The following MACROH2A2 variants were observed in gnomAD, a reference collection of about 807,000 sequenced individuals.
MACROH2A2 encodes the protein macroH2A.2 histone, also known as core histone macro-H2A.2.
Under a neutral mutation model 37.6 loss-of-function variants are expected in MACROH2A2, and 6 were observed. The ratio of observed to expected loss-of-function variants is 0.16; its 90% CI spans 0.09 to 0.32. The LOEUF is 0.32. Ranked by LOEUF, MACROH2A2 falls within the 10% of genes least tolerant of loss-of-function variation. The pLI, the probability that MACROH2A2 is intolerant of heterozygous loss-of-function variation, is 1.00. For synonymous variants in MACROH2A2, 192 were observed against 202.7 expected, an observed-to-expected ratio of 0.95 and a Z score of 0.45; for missense variants, 290 against 485.9, an observed-to-expected ratio of 0.60 and a Z score of 3.79.
chr10:70,061,572 G>A (rs1164439551), intron 1 of MACROH2A2, among the ~76,000 whole-genome samples: 3 of 152,128 alleles, frequency 2.0e-5, no homozygotes, highest in African/African-American at 7.2e-5. Context: ...AGTAGCAGCA[G>A]ATATCCTAAA....
Position 70,093,150 on chromosome 10 carries a change from T to C in MACROH2A2, c.478-585T>C, listed in dbSNP as rs149786803. On this transcript the variant is annotated intron_variant, in intron 4 of 8. Coordinates refer to ENST00000373255, the MANE Select transcript of MACROH2A2 (RefSeq NM_018649.3). The stretch of plus-strand genomic sequence containing the variant: ...TCAGCCTCCCAAAGCATTGGAATTA[T>C]AAGTGTGAGCTAAGGCACACAAGCC... Among the ~76,000 whole-genome samples, 622 of 152,264 alleles carry C rather than the reference T, an allele frequency of 4.1e-3. 4 individuals carry two copies. The highest frequency in any genetic ancestry group is 0.014 in the African/African-American group (588 of 41,544).
chr10:70,074,351 A>AACAG (rs1319706168), intron 1 of MACROH2A2, among the ~76,000 whole-genome samples: 1 of 152,222 alleles, frequency 6.6e-6, no homozygotes, highest in Non-Finnish European at 1.5e-5. Context: ...CATTCCAAGG[A>AACAG]ACAGACGCTC....
At chr10:70,082,957 G>A (rs2072189144) in intron 2 of MACROH2A2, among the ~76,000 whole-genome samples, 1 of 151,780 alleles carries the variant, frequency 6.6e-6, no homozygotes, top group Non-Finnish European at 1.5e-5. Flanking sequence ...ATGGTTAAAT[G>A]GTAGATGTAT....
chr10:70,074,368 C>T (rs1478384176), intron 1 of MACROH2A2, among the ~76,000 whole-genome samples: 2 of 152,226 alleles, frequency 1.3e-5, no homozygotes, highest in Non-Finnish European at 2.9e-5. Context: ...GCTCAGGCTG[C>T]ATTATGGCTT....
At chr10:70,095,587 T>G (rs993174894) in intron 5 of MACROH2A2, 67 bp from the exon 6 acceptor site, 3 of 810,420 alleles carry the variant, frequency 3.7e-6, no homozygotes, top group African/African-American at 3.4e-5. Flanking sequence ...TGAATGCAAG[T>G]AAAATATGAG....
At chr10:70,098,337 A>G (rs1038096977) in intron 6 of MACROH2A2, 2 of 117,490 alleles carry the variant, frequency 1.7e-5, no homozygotes, top group Non-Finnish European at 3.6e-5. Flanking sequence ...AGGCAGAGGG[A>G]GAGAGAGAGA....
At chr10:70,088,518 CT>C (rs1463621222) in intron 2 of MACROH2A2, among the ~76,000 whole-genome samples, 1 of 152,176 alleles carries the variant, frequency 6.6e-6, no homozygotes, top group Non-Finnish European at 1.5e-5. Context: ...CTACAGATTT[CT>C]TTTTTTACCC....
At chr10:70,078,123 A>G (rs1435525232) in intron 2 of MACROH2A2, among the ~76,000 whole-genome samples, 1 of 152,182 alleles carries the variant, frequency 6.6e-6, no homozygotes, top group African/African-American at 2.4e-5. Flanking sequence ...AATCCCCAGC[A>G]TCTCTGTTAG....
rs4746961 is a variant in MACROH2A2, at chr10:70,107,504, A to G, written c.779-1529A>G. On this transcript the variant is annotated intron_variant, in intron 7 of 8. Transcript: ENST00000373255. This position sits in a 1 kb window ranked among gnomAD's most constrained non-coding sequence, Gnocchi z 4.4. Reference sequence around the variant, plus strand: ...GCAGACGGGCAGCGTGGGGGCAAGCATGGCTCATGGCTGAAGCTGCAGCTG... The same window carrying G: ...GCAGACGGGCAGCGTGGGGGCAAGCGTGGCTCATGGCTGAAGCTGCAGCTG... 0.081 allele frequency among the ~76,000 whole-genome samples: 12,259 copies of G among 152,180 alleles called. 630 individuals carry two copies. Among genetic ancestry groups the G allele is most frequent in the East Asian group, 0.23 (1,188 of 5,156 alleles).
chr10:70,073,726 CT>C (rs2072123828), intron 1 of MACROH2A2, among the ~76,000 whole-genome samples: 1 of 152,158 alleles, frequency 6.6e-6, no homozygotes, highest in African/African-American at 2.4e-5. Context: ...TTATCAGATG[CT>C]TTAGAAAATT....
chr10:70,106,822 A>AAG (rs2072340777), intron 7 of MACROH2A2, among the ~76,000 whole-genome samples: 1 of 150,846 alleles, frequency 6.6e-6, no homozygotes, highest in Non-Finnish European at 1.5e-5. Flanking sequence ...AAAAAAAAAA[A>AAG]GACTTTACAT....
intron 1 of MACROH2A2, among the ~76,000 whole-genome samples, chr10:70,072,891 A>C (rs1175117600): frequency 6.6e-6 from 1 of 152,210 alleles, no homozygotes; most frequent in Non-Finnish European, 1.5e-5. Context: ...CCAGAGGCAG[A>C]AGTTGCAATG....
At chr10:70,092,924 A>G (rs548527460) in intron 4 of MACROH2A2, among the ~76,000 whole-genome samples, 1 of 152,226 alleles carries the variant, frequency 6.6e-6, no homozygotes, top group African/African-American at 2.4e-5. Flanking sequence ...TTGATATACT[A>G]GGTAGCTTAG....
intron 1 of MACROH2A2, among the ~76,000 whole-genome samples, chr10:70,068,261 T>A (rs557925829): frequency 1.3e-5 from 2 of 152,302 alleles, no homozygotes; most frequent in South Asian, 4.1e-4. Flanking sequence ...GGCCCTAGCA[T>A]AGAAATTCCC....
At position 70,075,042 on chromosome 10, in the gene MACROH2A2, G is replaced by A. The variant is rs773616239; in HGVS notation, c.-59-558G>A. Among the ~76,000 whole-genome samples, 1 of 152,074 alleles carries A rather than the reference G, an allele frequency of 6.6e-6. No individual in the cohort carries two copies. Among genetic ancestry groups the A allele is most frequent in the Non-Finnish European group, 1.5e-5 (1 of 68,020 alleles). On this transcript the variant is annotated intron_variant, in intron 1 of 8. Transcript: ENST00000373255. The surrounding 1 kb of genome is among the most constrained non-coding windows in gnomAD (Gnocchi z 5.0). ...CAGAAGTCCAAAATTAGCCTTACTG[G>A]GCTAAAGTCAAGGTATCAGCAGGAC...
chr10:70,059,064 T>C (rs972362479), intron 1 of MACROH2A2, among the ~76,000 whole-genome samples: 10 of 152,220 alleles, frequency 6.6e-5, no homozygotes, highest in African/African-American at 2.4e-4. Flanking sequence ...GTGGTTATCC[T>C]GGGTGAAGAA....
At chr10:70,078,233 G>GT (rs2072152661) in intron 2 of MACROH2A2, among the ~76,000 whole-genome samples, 1 of 152,222 alleles carries the variant, frequency 6.6e-6, no homozygotes, top group Admixed American at 6.5e-5. Context: ...AGCACACACA[G>GT]TAAGTCCTTA....
chr10:70,072,694 C>A (rs1210609743), intron 1 of MACROH2A2, among the ~76,000 whole-genome samples: 1 of 152,136 alleles, frequency 6.6e-6, no homozygotes, highest in East Asian at 1.9e-4. Context: ...TGGTGGCTCA[C>A]ACCTGTAATC....
Position 70,075,647 on chromosome 10 carries a change from A to G in MACROH2A2, c.-12A>G, listed in dbSNP as rs961862309. On this transcript the variant is annotated 5_prime_UTR_variant, in exon 2 of 9. Transcript: ENST00000373255. The surrounding 1 kb of genome is among the most constrained non-coding windows in gnomAD (Gnocchi z 5.0). ...CACTGTGTCAGCAAGCTGAGAGGGAAACTGAAGCAAGATGTCGGGCCGGAG... is the reference window on the plus strand; with the variant it reads ...CACTGTGTCAGCAAGCTGAGAGGGAGACTGAAGCAAGATGTCGGGCCGGAG... 1.2e-6 allele frequency: 2 copies of G among 1,613,740 alleles called. No homozygotes were observed. The highest frequency in any genetic ancestry group is 1.7e-6 in the Non-Finnish European group (2 of 1,179,726).
Sources: gnomAD v4.1 joint callset for allele counts (sites outside exome capture counted in the v4.1 genomes callset) on GRCh38, gnomAD v4.1.1 for gene constraint, Gnocchi (gnomAD v3.1) non-coding constraint, MANE v1.5 for transcripts, NCBI Gene and HGNC (gene_info 2026-07-23, HGNC 2026-07-21) for gene names.